ST3GAL6: variants seen among roughly 807,000 people sequenced by gnomAD.
ST3GAL6 encodes the protein type 2 lactosamine alpha-2,3-sialyltransferase.
ST3GAL6 carries 31 observed loss-of-function variants against 40.5 expected under a neutral mutation model. The observed-to-expected ratio is 0.77, with a 90% CI of 0.58 to 1.03. ST3GAL6 has a LOEUF of 1.03. ST3GAL6 is among the 50% of genes least tolerant of loss of function. The pLI is 0.00. For missense variants in ST3GAL6, 357 were observed against 393.2 expected, an observed-to-expected ratio of 0.91 and a Z score of 0.78; for synonymous variants, 129 against 136.9, an observed-to-expected ratio of 0.94 and a Z score of 0.40.
chr3:98,737,383 T>A lies in ST3GAL6; in HGVS notation c.-12+4851T>A, dbSNP rs545841939. 8.5e-5 allele frequency among the ~76,000 whole-genome samples: 13 copies of A among 152,276 alleles called. No homozygotes were observed. In the South Asian group the frequency reaches 1.5e-3, roughly 17 times the overall value. ...GTCTCTCTGTCTCTCTTTCTCTCTC[T>A]CACACACATAAACACACAAATTTCT... On this transcript the variant is annotated intron_variant, in intron 1 of 9. Transcript: ENST00000265261.
In ST3GAL6 at chr3:98,791,909, C is replaced by T; in HGVS notation, c.825C>T (p.His275=). ...TLAFYICHEV[H]LAGFKYNFSD... The stretch of plus-strand genomic sequence containing the variant: ...CGTTTTACATATGTCACGAAGTTCA[C>T]CTAGCTGGTTTTAAATACAACTTTT... Residue 275 remains histidine (H), a synonymous_variant, in exon 9 of 10, where the codon CAC becomes CAT. Coordinates refer to ENST00000483910, the MANE Select transcript of ST3GAL6 (RefSeq NM_001323368.2). 1.2e-6 allele frequency: 2 copies of T among 1,614,018 alleles called. No homozygotes were observed. Among genetic ancestry groups the T allele is most frequent in the Admixed American group, 3.3e-5 (2 of 60,024 alleles).
rs759914695 is a variant in ST3GAL6, at chr3:98,768,426, T to A, written c.-11-4T>A. ...TGCTTTGGACTTCATTCCTTGTGTT[T>A]CAGGTGAGCCAGCCATGAGAGGGTA... On this transcript the variant is annotated splice_region_variant and splice_polypyrimidine_tract_variant and intron_variant, in intron 1 of 9. Coordinates refer to ENST00000483910, the MANE Select transcript of ST3GAL6 (RefSeq NM_001323368.2). The A allele has an allele frequency of 6.2e-7, 1 of 1,612,590 alleles. No homozygotes were observed. Among genetic ancestry groups the A allele is most frequent in the South Asian group, 1.1e-5 (1 of 91,040 alleles).
chr3:98,795,679 G>A lies in ST3GAL6; in HGVS notation c.*1918G>A, dbSNP rs1209274424. On this transcript the variant is annotated 3_prime_UTR_variant, in exon 10 of 10. Coordinates refer to ENST00000483910, the MANE Select transcript of ST3GAL6 (RefSeq NM_001323368.2). The stretch of plus-strand genomic sequence containing the variant: ...CTGCGGCGGGGGGAGCGAGGGGAGC[G>A]GGGAGGGCAAGGGCTGAAAGACTAT... 1.3e-5 allele frequency: 2 copies of A among 152,154 alleles called. No individual in the cohort carries two copies. The highest frequency in any genetic ancestry group is 2.9e-5 in the Non-Finnish European group (2 of 68,074). 9.4% of individuals were successfully genotyped at this position (152,154 alleles called of 1,614,324 possible).
intron 1 of ST3GAL6, among the ~76,000 whole-genome samples, chr3:98,757,265 CATT>C (rs1486503179): frequency 6.6e-6 from 1 of 152,198 alleles, no homozygotes; most frequent in Non-Finnish European, 1.5e-5. Flanking sequence ...TGACTGATAA[CATT>C]ATGCTTTAGT....
rs559998135 is a variant in ST3GAL6, at chr3:98,737,489, A to G, written c.-12+4957A>G. Among the ~76,000 whole-genome samples the G allele has an allele frequency of 1.2e-4, 18 of 152,344 alleles. No homozygotes were observed. In the East Asian group the frequency reaches 2.5e-3, roughly 21 times the overall value. On this transcript the variant is annotated intron_variant, in intron 1 of 9. Transcript: ENST00000265261. The stretch of plus-strand genomic sequence containing the variant: ...CTTTTCCCTAGGGCAGAGCACAGGA[A>G]TATCACAAAGACAGGCAGAGCTCAG...
intron 5 of ST3GAL6, among the ~76,000 whole-genome samples, chr3:98,775,226 C>G (rs1274720458): frequency 1.3e-5 from 2 of 152,118 alleles, no homozygotes; most frequent in Admixed American, 1.3e-4. Context: ...CCTGCAATCC[C>G]CCAGCACTTT....
rs16840150 is a variant in ST3GAL6 at position 98,770,808 on chromosome 3, C to G, written c.90-71C>G. On this transcript the variant is annotated intron_variant, in intron 2 of 9. Transcript: ENST00000483910. ...CTCAGTGGTGGCATGAATGAGTTCC[C>G]AGGGCATTTGCTTCCCTTTGGGCAG... 0.011 allele frequency: 14,091 copies of G among 1,336,668 alleles called. 1,114 individuals are homozygous for G. In the African/African-American group the frequency reaches 0.18, roughly 17 times the overall value. 82.8% of individuals were successfully genotyped at this position (1,336,668 alleles called of 1,614,324 possible).
At position 98,788,184 on chromosome 3, in the gene ST3GAL6, T is replaced by G. The variant is rs752726772; in HGVS notation, c.580T>G (p.Leu194Val). The G allele has an allele frequency of 9.9e-6, 16 of 1,612,400 alleles. No homozygotes were observed. Among genetic ancestry groups the G allele is most frequent in the African/African-American group, 2.7e-5 (2 of 74,876 alleles). ...VILTAFKPHD[L>V]RWLLELLMGD... ...TCTCACTGCTTTTAAGCCACATGAT[T>G]TAAGGTGGCTGTTGGAATTGTTGAT... Residue 194 changes from leucine (L) to valine (V), a missense_variant, in exon 7 of 10, where the codon TTA becomes GTA. By Grantham distance (32) the Leu-to-Val change is conservative (BLOSUM62 1). Transcript: ENST00000483910.
intron 5 of ST3GAL6, 91 bp downstream of exon 5, chr3:98,774,074 T>C: frequency 9.0e-7 from 1 of 1,107,842 alleles, no homozygotes; most frequent in Non-Finnish European, 1.3e-6. Flanking sequence ...ATGTATTTAC[T>C]CAGGAAAATT....
intron 2 of ST3GAL6, among the ~76,000 whole-genome samples, chr3:98,769,673 T>C (rs138923384): frequency 9.2e-5 from 14 of 152,340 alleles, no homozygotes; most frequent in African/African-American, 3.1e-4. Context: ...CACATTACTA[T>C]AGTCACAGCA....
intron 9 of ST3GAL6, among the ~76,000 whole-genome samples, chr3:98,792,656 G>A (rs746459555): frequency 2.2e-4 from 32 of 148,190 alleles, no homozygotes; most frequent in Non-Finnish European, 3.4e-4. Context: ...ACAGGCGCCC[G>A]CCACCACGAC....
intron 1 of ST3GAL6, 70 bp from the exon 2 acceptor site, chr3:98,768,360 T>C: frequency 1.9e-6 from 2 of 1,079,382 alleles, no homozygotes; most frequent in South Asian, 2.6e-5. Flanking sequence ...TGCTTATATT[T>C]GAGCCATTGT....
At chr3:98,739,575 G>T (rs1290718054) in intron 1 of ST3GAL6, among the ~76,000 whole-genome samples, 2 of 152,134 alleles carry the variant, frequency 1.3e-5, no homozygotes, top group Non-Finnish European at 2.9e-5. Context: ...AAATATTTAG[G>T]CAGGAAACCT....
At chr3:98,784,014 T>C (rs1559751530) in intron 5 of ST3GAL6, among the ~76,000 whole-genome samples, 2 of 152,228 alleles carry the variant, frequency 1.3e-5, no homozygotes, top group Admixed American at 6.5e-5. Context: ...ACAGTGTTTG[T>C]ACAGTTTTGC....
chr3:98,779,831 C>G (rs1939908876), intron 5 of ST3GAL6, among the ~76,000 whole-genome samples: 1 of 152,140 alleles, frequency 6.6e-6, no homozygotes, highest in South Asian at 2.1e-4. Flanking sequence ...CTTCTCCAAA[C>G]ACAAAGTAGG....
chr3:98,758,025 C>T (rs759312668), intron 1 of ST3GAL6, among the ~76,000 whole-genome samples: 25 of 152,012 alleles, frequency 1.6e-4, no homozygotes, highest in South Asian at 4.2e-4. Context: ...TTTAGTAGAG[C>T]GGGGTTTCAC....
At chr3:98,743,645 C>T (rs1037602696) in intron 1 of ST3GAL6, among the ~76,000 whole-genome samples, 6 of 152,186 alleles carry the variant, frequency 3.9e-5, no homozygotes, top group African/African-American at 1.2e-4. Context: ...TGCACCCAGG[C>T]AAGCTGCCTC....
At chr3:98,747,365 T>A (rs1356465018) in intron 1 of ST3GAL6, among the ~76,000 whole-genome samples, 2 of 152,248 alleles carry the variant, frequency 1.3e-5, no homozygotes, top group Admixed American at 1.3e-4. Flanking sequence ...GTTTTAAATA[T>A]CTAGGTATCT....
At chr3:98,789,264 CAA>C (rs1941007643) in intron 8 of ST3GAL6, among the ~76,000 whole-genome samples, 1 of 152,040 alleles carries the variant, frequency 6.6e-6, no homozygotes, top group Admixed American at 6.6e-5. Flanking sequence ...TTAAGAAATT[CAA>C]AAGTGTTATA....
Sources: allele counts gnomAD v4.1 joint callset (sites outside exome capture counted in the v4.1 genomes callset), GRCh38; gene constraint gnomAD v4.1.1; transcripts MANE v1.5; gene names NCBI Gene and HGNC (gene_info 2026-07-23, HGNC 2026-07-21).